CRYBG3: variants seen among roughly 807,000 people sequenced by gnomAD.
CRYBG3 encodes very large A-kinase anchor protein.
CRYBG3 carries 127 observed loss-of-function variants against 244.2 expected under a neutral mutation model. The ratio of observed to expected loss-of-function variants is 0.52; its 90% CI spans 0.45 to 0.60. The LOEUF (loss-of-function observed/expected upper bound fraction) is 0.60, where lower values mean the gene tolerates loss of function less well. Among genes scored for constraint, CRYBG3 ranks in the 20% least tolerant of loss-of-function variants. The pLI is 0.00. For missense variants in CRYBG3, 3,325 were observed against 3,442.5 expected, an observed-to-expected ratio of 0.97 and a Z score of 0.85; for synonymous variants, 1,132 against 1,195.8, an observed-to-expected ratio of 0.95 and a Z score of 1.10.
At chr3:97,857,840 ACTTACT>A (rs1236500379) in intron 2 of CRYBG3, among the ~76,000 whole-genome samples, 1 of 152,026 alleles carries the variant, frequency 6.6e-6, no homozygotes, top group Non-Finnish European at 1.5e-5. Context: ...ATAAATAAGG[ACTTACT>A]CTTGTCATTT....
chr3:97,929,852 T>G (rs1462207769), intron 17 of CRYBG3, among the ~76,000 whole-genome samples: 1 of 152,068 alleles, frequency 6.6e-6, no homozygotes, highest in African/African-American at 2.4e-5. Context: ...TCATTATTTT[T>G]AAAAACATAG....
Position 97,937,049 on chromosome 3 carries a change from T to C in CRYBG3, c.8505+141T>C. The C allele has an allele frequency of 5.6e-6, 5 of 896,540 alleles. No individual in the cohort carries two copies. The East Asian group carries it at 1.3e-4, about 24-fold the overall frequency. 55.5% of individuals were successfully genotyped at this position (896,540 alleles called of 1,614,324 possible). A position where few individuals can be genotyped will look rare whatever the true frequency, so the allele number is the denominator to read the frequency against. ...GGGAGTGAATTAGGATGCGGATATC[T>C]TGTACATTTTAACCAATTTGTAAGA... On this transcript the variant is annotated intron_variant, in intron 19 of 21. Transcript: ENST00000389622.
intron 15 of CRYBG3, among the ~76,000 whole-genome samples, chr3:97,904,444 A>G (rs924696625): frequency 2.6e-5 from 4 of 152,146 alleles, no homozygotes; most frequent in South Asian, 4.1e-4. Flanking sequence ...TTTTCCGGGT[A>G]TGAAGACTGA....
intron 1 of CRYBG3, among the ~76,000 whole-genome samples, chr3:97,830,607 C>T (rs1446333790): frequency 6.6e-6 from 1 of 152,108 alleles, no homozygotes; most frequent in Non-Finnish European, 1.5e-5. Context: ...TTTATAGACT[C>T]AAAATTACTT....
rs1004197352 is a variant in CRYBG3 at position 97,830,696 on chromosome 3, A to G, written c.149+8341A>G. The stretch of plus-strand genomic sequence containing the variant: ...TGTTGAGAAATCTGAGGCTAGTACG[A>G]TTTCTGGACCTATTTTTGTGATTCA... On this transcript the variant is annotated intron_variant, in intron 1 of 21. Transcript: ENST00000389622. Among the ~76,000 whole-genome samples, 5 of 152,220 alleles carry G rather than the reference A, an allele frequency of 3.3e-5. No individual in the cohort carries two copies. In the East Asian group the frequency reaches 9.7e-4, roughly 29 times the overall value.
At chr3:97,839,866 A>T (rs752383423) in intron 1 of CRYBG3, among the ~76,000 whole-genome samples, 6 of 151,864 alleles carry the variant, frequency 4.0e-5, no homozygotes, top group Non-Finnish European at 8.8e-5. Flanking sequence ...ATTACAGGCC[A>T]CACCGCACCT....
At chr3:97,941,519 C>T (rs2040230908) in intron 20 of CRYBG3, among the ~76,000 whole-genome samples, 1 of 151,876 alleles carries the variant, frequency 6.6e-6, no homozygotes, top group African/African-American at 2.4e-5. Context: ...TTTAAGTAAA[C>T]ACAAAGGTTA....
In CRYBG3 at chr3:97,875,612, T is replaced by A; in HGVS notation, c.4418T>A (p.Val1473Glu). 1 of 1,235,248 alleles carries A rather than the reference T, an allele frequency of 8.1e-7. No individual in the cohort carries two copies. The highest frequency in any genetic ancestry group is 1.0e-6 in the Non-Finnish European group (1 of 990,346). 76.5% of individuals were successfully genotyped at this position (1,235,248 alleles called of 1,614,324 possible). The change falls in exon 4 of 22, where the codon GTA (valine) becomes GAA (glutamate). Residue 1473 changes from valine to glutamate, a missense_variant. Around this residue, in one of 4 missense-constraint regions of CRYBG3, gnomAD observed 635 missense variants for 771.7 expected, o/e 0.82. Transcript: ENST00000389622. ...KTETEDRRTL[V>E]LNFKWPPLVN... ...GAGACAGAGGACAGAAGAACTCTTGTATTAAATTTCAAATGGCCTCCACTT... is the reference window on the plus strand; with the variant it reads ...GAGACAGAGGACAGAAGAACTCTTGAATTAAATTTCAAATGGCCTCCACTT...
intron 2 of CRYBG3, among the ~76,000 whole-genome samples, chr3:97,852,077 T>C (rs183540775): frequency 2.0e-5 from 3 of 152,276 alleles, no homozygotes; most frequent in African/African-American, 7.2e-5. Flanking sequence ...CATCCAGGTA[T>C]GGAGATAGAT....
intron 2 of CRYBG3, among the ~76,000 whole-genome samples, 167 bp downstream of exon 2, chr3:97,843,428 C>CATCA (rs1416735992): frequency 6.6e-6 from 1 of 152,064 alleles, no homozygotes; most frequent in African/African-American, 2.4e-5. Flanking sequence ...GGAGGTGGGA[C>CATCA]GGGAGTCTGG....
chr3:97,903,733 C>T (rs1001674158), intron 15 of CRYBG3, among the ~76,000 whole-genome samples: 10 of 152,108 alleles, frequency 6.6e-5, no homozygotes, highest in African/African-American at 2.2e-4. Context: ...TATATTACCA[C>T]ATATTGTTAG....
rs1559733258 is a variant in CRYBG3, at chr3:97,886,620, T to A, written c.7153-11T>A. On this transcript the variant is annotated splice_polypyrimidine_tract_variant and intron_variant, in intron 7 of 21. Transcript: ENST00000389622. ...AGTTGATTTCAAAGCCAAATTATTTTTTTTTTTCAGGACTGCAGCATTCCA... is the reference window on the plus strand; with the variant it reads ...AGTTGATTTCAAAGCCAAATTATTTATTTTTTTCAGGACTGCAGCATTCCA... 6.3e-7 allele frequency: 1 copy of A among 1,590,160 alleles called. No individual in the cohort carries two copies.
chr3:97,930,909 CCTTTT>C (rs2040090530), intron 17 of CRYBG3, among the ~76,000 whole-genome samples: 1 of 152,016 alleles, frequency 6.6e-6, no homozygotes, highest in African/African-American at 2.4e-5. Context: ...TTTTATCTTT[CCTTTT>C]ATTTCAGAGG....
chr3:97,873,332 G>T lies in CRYBG3; in HGVS notation c.2138G>T (p.Gly713Val). Reference sequence around the variant, plus strand: ...GTGAAAAACCATGTTGAGGCTGCAGGCAGGAAGAGTCCTCCTCCTTCCTTT... The same window carrying T: ...GTGAAAAACCATGTTGAGGCTGCAGTCAGGAAGAGTCCTCCTCCTTCCTTT... ...ENVKNHVEAA[G>V]RKSPPPSFCL... Residue 713 changes from glycine (G) to valine (V), a missense_variant, in exon 4 of 22, where the codon GGC becomes GTC. By Grantham distance (109) the Gly-to-Val change is moderately radical. Transcript: ENST00000389622. 1 of 1,535,916 alleles carries T rather than the reference G, an allele frequency of 6.5e-7. No individual in the cohort carries two copies. Among genetic ancestry groups the T allele is most frequent in the Non-Finnish European group, 8.7e-7 (1 of 1,146,804 alleles).
At chr3:97,910,949 A>G (rs1217190898) in intron 15 of CRYBG3, among the ~76,000 whole-genome samples, 9 of 152,228 alleles carry the variant, frequency 5.9e-5, no homozygotes, top group Non-Finnish European at 1.2e-4. Flanking sequence ...CTAGGACTAC[A>G]GCAGAAACTT....
chr3:97,845,555 T>C (rs923755600), intron 2 of CRYBG3, among the ~76,000 whole-genome samples: 1 of 152,248 alleles, frequency 6.6e-6, no homozygotes, highest in African/African-American at 2.4e-5. Flanking sequence ...GATCATTGTC[T>C]TGTAGCCTTA....
At chr3:97,930,571 C>A (rs1422778357) in intron 17 of CRYBG3, among the ~76,000 whole-genome samples, 1 of 151,988 alleles carries the variant, frequency 6.6e-6, no homozygotes, top group Non-Finnish European at 1.5e-5. Context: ...CCTAGGTAGC[C>A]TGTCCATCTT....
chr3:97,850,282 TTCACGCATA>T (rs1176826493), intron 2 of CRYBG3, among the ~76,000 whole-genome samples: 2 of 152,162 alleles, frequency 1.3e-5, no homozygotes, highest in Non-Finnish European at 1.5e-5. Context: ...GATCAGCAAT[TTCACGCATA>T]TTTTTTCTCT....
At chr3:97,828,786 C>G (rs2108152449) in intron 1 of CRYBG3, among the ~76,000 whole-genome samples, 1 of 147,850 alleles carries the variant, frequency 6.8e-6, no homozygotes, top group Non-Finnish European at 1.5e-5. Flanking sequence ...CAAGATCGTA[C>G]CATTGTGCTC....
Sources: gnomAD v4.1 joint callset for allele counts (sites outside exome capture counted in the v4.1 genomes callset) on GRCh38, gnomAD v4.1.1 for gene constraint, gnomAD v4.1.1 regional missense constraint, MANE v1.5 for transcripts, NCBI Gene and HGNC (gene_info 2026-07-23, HGNC 2026-07-21) for gene names.